The following KCNMA1 variants were observed in gnomAD, a reference collection of about 807,000 sequenced individuals.
The protein encoded by KCNMA1 is Calcium-activated potassium channel subunit alpha-1.
KCNMA1 carries 29 observed loss-of-function variants against 140.0 expected under a neutral mutation model. The ratio of observed to expected loss-of-function variants is 0.21; its 90% CI spans 0.15 to 0.28. The LOEUF (loss-of-function observed/expected upper bound fraction) is 0.28. Among genes scored for constraint, KCNMA1 ranks in the 10% least tolerant of loss-of-function variants. The pLI is 1.00. For missense variants in KCNMA1, 880 were observed against 1,602.2 expected, an observed-to-expected ratio of 0.55 and a Z score of 7.70; for synonymous variants, 612 against 611.9, an observed-to-expected ratio of 1.00 and a Z score of 0.00.
chr10:77,096,671 T>G (rs1273034312), intron 9 of KCNMA1, among the ~76,000 whole-genome samples: 1 of 152,200 alleles, frequency 6.6e-6, no homozygotes, highest in Non-Finnish European at 1.5e-5. Flanking sequence ...CAGAGCTATC[T>G]TGTCACAATA....
rs577141573 is a variant in KCNMA1 at position 77,458,247 on chromosome 10, C to G, written c.379-54224G>C. ...CCACCCATGCAGGAGGGCACCTTCC[C>G]TCCTCACTGTGCTGGCTTCTTTTAA... On this transcript the variant is annotated intron_variant, in intron 1 of 27. Transcript: ENST00000286628. Among the ~76,000 whole-genome samples, 122 of 152,364 alleles carry G rather than the reference C, an allele frequency of 8.0e-4. 1 individual carries two copies. Among genetic ancestry groups the G allele is most frequent in the Non-Finnish European group, 1.7e-3 (115 of 68,040 alleles).
At chr10:77,552,775 G>A (rs1205440965) in intron 1 of KCNMA1, among the ~76,000 whole-genome samples, 1 of 152,150 alleles carries the variant, frequency 6.6e-6, no homozygotes, top group Non-Finnish European at 1.5e-5. Context: ...TTAGCCAGGC[G>A]CAGTGGCTCA....
At chr10:77,138,763 C>A (rs1353698131) in intron 5 of KCNMA1, among the ~76,000 whole-genome samples, 3 of 152,198 alleles carry the variant, frequency 2.0e-5, no homozygotes, top group Non-Finnish European at 4.4e-5. Context: ...TCACGCCCTG[C>A]ACACAGTGTC....
intron 1 of KCNMA1, among the ~76,000 whole-genome samples, chr10:77,474,380 C>T (rs1456795991): frequency 6.6e-6 from 1 of 152,072 alleles, no homozygotes; most frequent in African/African-American, 2.4e-5. Flanking sequence ...TTTATAAGAA[C>T]AGGAGATTAG....
chr10:77,520,819 C>A (rs1240742542), intron 1 of KCNMA1, among the ~76,000 whole-genome samples: 1 of 152,126 alleles, frequency 6.6e-6, no homozygotes, highest in African/African-American at 2.4e-5. Context: ...CTGTGACATC[C>A]AAGAGACCTT....
In KCNMA1 at chr10:77,191,877, T is replaced by A. The variant is rs866501520; in HGVS notation, c.603-6961A>T. Reference sequence around the variant, plus strand: ...GGAAGTCATCAGTTATGGGTTTGTATCAACAGGACTATTAATCCTTTTGAT... The same window carrying A: ...GGAAGTCATCAGTTATGGGTTTGTAACAACAGGACTATTAATCCTTTTGAT... On this transcript the variant is annotated intron_variant, in intron 3 of 27. Transcript: ENST00000286628. 6.6e-5 allele frequency among the ~76,000 whole-genome samples: 10 copies of A among 152,282 alleles called. No homozygotes were observed. The Middle Eastern group carries it at 0.01, about 155-fold the overall frequency.
At chr10:77,579,884 G>A (rs928402562) in intron 1 of KCNMA1, among the ~76,000 whole-genome samples, 3 of 152,104 alleles carry the variant, frequency 2.0e-5, no homozygotes, top group Non-Finnish European at 4.4e-5. Context: ...AGGTGTCCCC[G>A]GATGTTTCTT....
At chr10:77,084,821 GA>G (rs34592624) in intron 11 of KCNMA1, 102 bp from the exon 12 acceptor site, 8,215 of 610,336 alleles carry the variant, frequency 0.013, 1 homozygote, top group East Asian at 0.032. Context: ...GCTTTGCAAA[GA>G]AAAAAAAAAA....
At chr10:77,028,256 G>A (rs537196006) in intron 15 of KCNMA1, among the ~76,000 whole-genome samples, 1 of 152,240 alleles carries the variant, frequency 6.6e-6, no homozygotes, top group South Asian at 2.1e-4. Flanking sequence ...TGGACCAGCT[G>A]GACCTGTTAT....
intron 15 of KCNMA1, 31 bp downstream of exon 15, chr10:77,039,497 G>T: frequency 1.5e-6 from 2 of 1,295,942 alleles, no homozygotes; most frequent in Non-Finnish European, 2.2e-6. Flanking sequence ...ATCCCTGAAA[G>T]CCAAAGAGCA....
chr10:77,436,606 G>A (rs1181655987), intron 1 of KCNMA1, among the ~76,000 whole-genome samples: 1 of 152,154 alleles, frequency 6.6e-6, no homozygotes, highest in South Asian at 2.1e-4. Context: ...TACAGAAAAG[G>A]AAACAGCACA....
intron 14 of KCNMA1, among the ~76,000 whole-genome samples, chr10:77,068,678 A>G (rs2096055599): frequency 7.1e-6 from 1 of 140,166 alleles, no homozygotes; most frequent in East Asian, 2.3e-4. Flanking sequence ...AATCATGGAG[A>G]GCATACTGTG....
chr10:77,418,483 G>A (rs1285761091), intron 1 of KCNMA1, among the ~76,000 whole-genome samples: 1 of 152,174 alleles, frequency 6.6e-6, no homozygotes, highest in Admixed American at 6.5e-5. Context: ...AAACTGGTGT[G>A]ATTCAATCTG....
At chr10:77,026,007 A>G (rs1370967106) in intron 16 of KCNMA1, among the ~76,000 whole-genome samples, 1 of 147,042 alleles carries the variant, frequency 6.8e-6, no homozygotes, top group Non-Finnish European at 1.5e-5. Flanking sequence ...AAATATATAT[A>G]TATATATATA....
intron 1 of KCNMA1, among the ~76,000 whole-genome samples, chr10:77,466,205 C>T (rs2098008163): frequency 1.3e-5 from 2 of 152,196 alleles, no homozygotes; most frequent in Non-Finnish European, 2.9e-5. Context: ...ACCCACTCTC[C>T]CTCACTTCGC....
chr10:77,423,098 G>A (rs1267767034), intron 1 of KCNMA1, among the ~76,000 whole-genome samples: 1 of 152,238 alleles, frequency 6.6e-6, no homozygotes, highest in Non-Finnish European at 1.5e-5. Flanking sequence ...CTGCTAGACA[G>A]TGGGTGTCTG....
At chr10:77,095,575 GAGA>G (rs1231809294) in intron 9 of KCNMA1, among the ~76,000 whole-genome samples, 4 of 152,160 alleles carry the variant, frequency 2.6e-5, no homozygotes, top group Admixed American at 6.5e-5. Flanking sequence ...ATGACTTCAT[GAGA>G]AGAAGTTTGA....
At chr10:77,225,433 T>A (rs2050997865) in intron 3 of KCNMA1, among the ~76,000 whole-genome samples, 2 of 151,954 alleles carry the variant, frequency 1.3e-5, no homozygotes, top group African/African-American at 4.8e-5. Context: ...CCCAGGGGAC[T>A]CCCCCTGGCC....
intron 1 of KCNMA1, among the ~76,000 whole-genome samples, chr10:77,538,783 T>C (rs2059498981): frequency 1.3e-5 from 2 of 152,124 alleles, no homozygotes; most frequent in Admixed American, 1.3e-4. Context: ...AGGGCCTCTA[T>C]GAACCTGTTC....
Sources: allele counts gnomAD v4.1 joint callset (sites outside exome capture counted in the v4.1 genomes callset), GRCh38; gene constraint gnomAD v4.1.1; transcripts MANE v1.5; gene names NCBI Gene and HGNC (gene_info 2026-07-23, HGNC 2026-07-21).